The following AP5M1 variants were observed in gnomAD, a reference collection of about 807,000 sequenced individuals.
AP5M1 encodes AP-5 complex subunit mu-1.
A neutral mutation model predicts 52.3 loss-of-function variants in AP5M1; 44 were observed. That is an observed-to-expected ratio of 0.84 (90% CI 0.66 to 1.08). The LOEUF (loss-of-function observed/expected upper bound fraction) is 1.08. Ranked by LOEUF, AP5M1 falls within the 50% of genes least tolerant of loss-of-function variation. The pLI is 0.00. For missense variants in AP5M1, 526 were observed against 568.4 expected (o/e 0.93, Z 0.76); for synonymous variants, 213 against 199.0 (o/e 1.07, Z -0.59).
In AP5M1 at chr14:57,297,883, T is replaced by C. The variant is rs1401084011; in HGVS notation, c.*8999T>C. The C allele has an allele frequency of 6.6e-6, 1 of 152,128 alleles. No homozygotes were observed. The highest frequency in any genetic ancestry group is 1.5e-5 in the Non-Finnish European group (1 of 68,018). The allele number at this position is 152,128 out of a possible 1,614,324, so 9.4% of individuals were successfully genotyped here. A position where few individuals can be genotyped will look rare whatever the true frequency, so the allele number is the denominator to read the frequency against. ...TTGCATGTGTATATAGAAAGGCTATTTTGCAAACAGTGGTTCAGTCTGTAT... is the reference window on the plus strand; with the variant it reads ...TTGCATGTGTATATAGAAAGGCTATCTTGCAAACAGTGGTTCAGTCTGTAT... On this transcript the variant is annotated 3_prime_UTR_variant, in exon 8 of 8. Coordinates refer to ENST00000261558, the MANE Select transcript of AP5M1 (RefSeq NM_018229.4).
In AP5M1 at chr14:57,296,857, A is replaced by G. The variant is rs950922469; in HGVS notation, c.*7973A>G. 2 of 152,046 alleles carry G rather than the reference A, an allele frequency of 1.3e-5. No individual in the cohort carries two copies. The highest frequency in any genetic ancestry group is 2.9e-5 in the Non-Finnish European group (2 of 67,976). 9.4% of individuals were successfully genotyped at this position (152,046 alleles called of 1,614,324 possible). ...CCACTCTGGGATTAGACAAAAGACAAAAAACAGTTCCATATTTTGAACGAT... is the reference window on the plus strand; with the variant it reads ...CCACTCTGGGATTAGACAAAAGACAGAAAACAGTTCCATATTTTGAACGAT... On this transcript the variant is annotated 3_prime_UTR_variant, in exon 8 of 8. Transcript: ENST00000261558.
rs754689632 is a variant in AP5M1 at position 57,286,250 on chromosome 14, C to T, written c.1321C>T (p.Leu441Phe). ...TCATTTTAGGATCTTAGATTACACA[C>T]TTACTGGATGTTATGCAGATCAGCA... is the stretch of plus-strand genomic sequence containing the variant. ...KLHFRILDYTLTGCYADQHSV... is the reference protein window; with the variant it reads ...KLHFRILDYTFTGCYADQHSV... The change falls in exon 7 of 8, where the codon CTT (leucine) becomes TTT (phenylalanine). Residue 441 changes from leucine to phenylalanine, a missense_variant. Transcript: ENST00000261558. 8 of 1,611,962 alleles carry T rather than the reference C, an allele frequency of 5.0e-6. No individual in the cohort carries two copies. The highest frequency in any genetic ancestry group is 6.8e-6 in the Non-Finnish European group (8 of 1,178,484).
Position 57,283,208 on chromosome 14 carries a change from C to T in AP5M1, c.1271C>T (p.Thr424Ile), listed in dbSNP as rs1365492308. 3 of 1,611,110 alleles carry T rather than the reference C, an allele frequency of 1.9e-6. No individual in the cohort carries two copies. Among genetic ancestry groups the T allele is most frequent in the Non-Finnish European group, 2.5e-6 (3 of 1,177,598 alleles). ...AAGCAGCCATTTGACCCAATTTGTA[C>T]TGGAGAAACAGCATATTTAAAGGTA... is the stretch of plus-strand genomic sequence containing the variant. ...HEKQPFDPIC[T>I]GETAYLKLHF... is the part of the protein sequence containing the mutation. The change falls in exon 6 of 8, where the codon ACT (threonine) becomes ATT (isoleucine). Residue 424 changes from threonine (T) to isoleucine (I), a missense_variant. Transcript: ENST00000261558.
chr14:57,298,054 T>C lies in AP5M1; in HGVS notation c.*9170T>C, dbSNP rs1035179116. On this transcript the variant is annotated 3_prime_UTR_variant, in exon 8 of 8. Coordinates refer to ENST00000261558, the MANE Select transcript of AP5M1 (RefSeq NM_018229.4). ...TGGCAACAGCTGAGGCTGCCCATCA[T>C]AGGACACGTTCCTTGCAGTTATGCT... 1 of 152,168 alleles carries C rather than the reference T, an allele frequency of 6.6e-6. No homozygotes were observed. Among genetic ancestry groups the C allele is most frequent in the African/African-American group, 2.4e-5 (1 of 41,446 alleles). The allele number at this position is 152,168 out of a possible 1,614,324, so 9.4% of individuals were successfully genotyped here.
chr14:57,274,329 G>A lies in AP5M1; in HGVS notation c.160G>A (p.Ala54Thr), dbSNP rs1237977622. ...TCCTGAAGATGGTCCCTTTCTTAAA[G>A]CACTGCTCTTTGAACTTAGATTATT... ...PVPEDGPFLK[A>T]LLFELRLLDD... The change falls in exon 2 of 8, where the codon GCA (alanine) becomes ACA (threonine). Residue 54 changes from alanine to threonine, a missense_variant. Transcript: ENST00000261558. 24 of 1,614,046 alleles carry A rather than the reference G, an allele frequency of 1.5e-5. No individual in the cohort carries two copies. The highest frequency in any genetic ancestry group is 2.0e-5 in the Non-Finnish European group (24 of 1,180,028).
At chr14:57,273,468 A>G (rs1197364279) in intron 1 of AP5M1, among the ~76,000 whole-genome samples, 1 of 152,236 alleles carries the variant, frequency 6.6e-6, no homozygotes, top group Non-Finnish European at 1.5e-5. Context: ...GAGTGGAGGC[A>G]GAAGGAATGA....
chr14:57,272,047 CAT>C (rs1314740149), intron 1 of AP5M1, among the ~76,000 whole-genome samples: 1 of 152,154 alleles, frequency 6.6e-6, no homozygotes, highest in East Asian at 1.9e-4. Context: ...CTTAATATTT[CAT>C]AGAGGTGAAC....
chr14:57,277,528 A>C (rs1240234691), intron 2 of AP5M1, among the ~76,000 whole-genome samples: 1 of 152,088 alleles, frequency 6.6e-6, no homozygotes, highest in East Asian at 1.9e-4. Flanking sequence ...TTTAAGTTTT[A>C]AAGTAAGATT....
intron 7 of AP5M1, among the ~76,000 whole-genome samples, chr14:57,287,031 CAT>C (rs548844320): frequency 3.5e-4 from 52 of 150,480 alleles, no homozygotes; most frequent in East Asian, 1.6e-3. Context: ...ACACACGAAA[CAT>C]ATGAAAATAT....
rs1885523401 is a variant in AP5M1, at chr14:57,295,187, A to G, written c.*6303A>G. 1 of 151,904 alleles carries G rather than the reference A, an allele frequency of 6.6e-6. No individual in the cohort carries two copies. Among genetic ancestry groups the G allele is most frequent in the South Asian group, 2.1e-4 (1 of 4,832 alleles). The allele number at this position is 151,904 out of a possible 1,614,324, so 9.4% of individuals were successfully genotyped here. ...TATATGAAACCAGAACTGGAGTGGT[A>G]ATGGCACTTCTGATTCAATTAACTT... On this transcript the variant is annotated 3_prime_UTR_variant, in exon 8 of 8. Coordinates refer to ENST00000261558, the MANE Select transcript of AP5M1 (RefSeq NM_018229.4).
rs7152744 is a variant in AP5M1 at position 57,269,236 on chromosome 14, T to C, written c.-79T>C. ...AGCCTCAGGGCTTCTGTTAAGAGTC[T>C]GTCTGAGAAAGCCGGTCTGCGCTGT... On this transcript the variant is annotated 5_prime_UTR_variant, in exon 1 of 8. Coordinates refer to ENST00000261558, the MANE Select transcript of AP5M1 (RefSeq NM_018229.4). 0.095 allele frequency: 128,914 copies of C among 1,362,576 alleles called. 21,308 individuals carry two copies. Among genetic ancestry groups the C allele is most frequent in the African/African-American group, 0.72 (49,926 of 68,964 alleles). The allele number at this position is 1,362,576 out of a possible 1,614,324, so 84.4% of individuals were successfully genotyped here.
chr14:57,288,001 C>T (rs868144985), intron 7 of AP5M1, among the ~76,000 whole-genome samples: 1 of 152,024 alleles, frequency 6.6e-6, no homozygotes, highest in Non-Finnish European at 1.5e-5. Context: ...GATACTCAAG[C>T]ATTCTGGCTC....
intron 1 of AP5M1, chr14:57,273,580 A>C (rs1884944402): frequency 1.9e-6 from 1 of 538,994 alleles, no homozygotes; most frequent in Non-Finnish European, 3.3e-6. Context: ...ATAAATTAGT[A>C]ACTGCTTACA....
At position 57,290,366 on chromosome 14, in the gene AP5M1, T is replaced by G. The variant is rs925621509; in HGVS notation, c.*1482T>G. 15 of 152,102 alleles carry G rather than the reference T, an allele frequency of 9.9e-5. No individual in the cohort carries two copies. The highest frequency in any genetic ancestry group is 1.8e-4 in the Non-Finnish European group (12 of 67,898). The allele number at this position is 152,102 out of a possible 1,614,324, so 9.4% of individuals were successfully genotyped here. On this transcript the variant is annotated 3_prime_UTR_variant, in exon 8 of 8. Coordinates refer to ENST00000261558, the MANE Select transcript of AP5M1 (RefSeq NM_018229.4). ...TAGCTTAATCATAGATAATCAGCAG[T>G]GAAAACTTTCCTTTTGAAAGAAGAA... is the stretch of plus-strand genomic sequence containing the variant.
In AP5M1 at chr14:57,269,428, A is replaced by G. The variant is rs754057145; in HGVS notation, c.74+40A>G. 7.5e-6 allele frequency: 12 copies of G among 1,597,142 alleles called. No individual in the cohort carries two copies. The South Asian group carries it at 1.3e-4, about 18-fold the overall frequency. On this transcript the variant is annotated intron_variant, in intron 1 of 7. Transcript: ENST00000261558. ...GAATCCTCAGGGATGATGGATCAGA[A>G]GATCGATGAAGTAGCATAGTTTTGT...
intron 3 of AP5M1, among the ~76,000 whole-genome samples, chr14:57,281,818 C>T (rs981157778): frequency 3.3e-5 from 5 of 152,136 alleles, no homozygotes; most frequent in East Asian, 1.9e-4. Flanking sequence ...ATGCCCTATG[C>T]GGCAGATCAG....
chr14:57,293,823 A>C lies in AP5M1; in HGVS notation c.*4939A>C, dbSNP rs1885493383. The C allele has an allele frequency of 6.6e-6, 1 of 151,708 alleles. No individual in the cohort carries two copies. Among genetic ancestry groups the C allele is most frequent in the South Asian group, 2.1e-4 (1 of 4,834 alleles). 9.4% of individuals were successfully genotyped at this position (151,708 alleles called of 1,614,324 possible). A position where few individuals can be genotyped will look rare whatever the true frequency, so the allele number is the denominator to read the frequency against. On this transcript the variant is annotated 3_prime_UTR_variant, in exon 8 of 8. Transcript: ENST00000261558. ...TTTCCCTGTGAAACATGTCAGTATCATGTAAGATGAAGAATATTTTAAGGG... is the reference window on the plus strand; with the variant it reads ...TTTCCCTGTGAAACATGTCAGTATCCTGTAAGATGAAGAATATTTTAAGGG...
intron 1 of AP5M1, among the ~76,000 whole-genome samples, chr14:57,272,033 T>A (rs1884907260): frequency 6.6e-6 from 1 of 152,238 alleles, no homozygotes; most frequent in African/African-American, 2.4e-5. Context: ...GCTTTGTAGC[T>A]TATCTTAATA....
At chr14:57,279,903 G>C (rs1314895907) in intron 2 of AP5M1, among the ~76,000 whole-genome samples, 2 of 152,186 alleles carry the variant, frequency 1.3e-5, no homozygotes, top group Admixed American at 6.5e-5. Flanking sequence ...GGCAGAAATT[G>C]TAAGGGCCCA....
Sources: gnomAD v4.1 joint callset for allele counts (sites outside exome capture counted in the v4.1 genomes callset) on GRCh38, gnomAD v4.1.1 for gene constraint, MANE v1.5 for transcripts, NCBI Gene and HGNC (gene_info 2026-07-23, HGNC 2026-07-21) for gene names.